The following DNAAF4 variants were observed in gnomAD, a reference collection of about 807,000 sequenced individuals.
DNAAF4 encodes dynein assembly factor 4, axonemal.
In DNAAF4, 43 loss-of-function variants were observed where a neutral mutation model predicts 51.8. The ratio of observed to expected loss-of-function variants is 0.83; its 90% CI spans 0.65 to 1.07. The LOEUF (loss-of-function observed/expected upper bound fraction) is 1.07, where lower values mean the gene tolerates loss of function less well. Ranked by LOEUF, DNAAF4 falls within the 50% of genes least tolerant of loss-of-function variation. DNAAF4 has a pLI of 0.00. For synonymous variants in DNAAF4, 194 were observed against 165.6 expected, an observed-to-expected ratio of 1.17 and a Z score of -1.32; for missense variants, 581 against 493.0, an observed-to-expected ratio of 1.18 and a Z score of -1.69.
intron 6 of DNAAF4, chr15:55,442,737 C>G: frequency 6.4e-7 from 1 of 1,565,272 alleles, no homozygotes; most frequent in Non-Finnish European, 8.8e-7. Context: ...CAAAAAATTT[C>G]TTTCCTTCAA....
intron 5 of DNAAF4, among the ~76,000 whole-genome samples, chr15:55,463,836 T>C (rs1255959835): frequency 2.4e-4 from 36 of 152,330 alleles, no homozygotes; most frequent in Non-Finnish European, 1.5e-4. Context: ...ATACATCCCA[T>C]GCTCACAGAT....
intron 1 of DNAAF4, among the ~76,000 whole-genome samples, chr15:55,500,768 G>C (rs1308173961): frequency 6.6e-6 from 1 of 151,918 alleles, no homozygotes; most frequent in Non-Finnish European, 1.5e-5. Flanking sequence ...CGAGGTGGGC[G>C]GATCACCTGA....
intron 5 of DNAAF4, among the ~76,000 whole-genome samples, chr15:55,453,029 G>C (rs1348910973): frequency 6.6e-6 from 1 of 152,090 alleles, no homozygotes; most frequent in Non-Finnish European, 1.5e-5. Context: ...GTTTCATCAT[G>C]TTGGCCAGGC....
chr15:55,419,613 A>G (rs994076878), intron 7 of DNAAF4, among the ~76,000 whole-genome samples: 2 of 152,150 alleles, frequency 1.3e-5, no homozygotes, highest in African/African-American at 4.8e-5. Context: ...TTATTGATAG[A>G]TTGAGCAAAT....
At chr15:55,490,413 T>C (rs998971738) in intron 4 of DNAAF4, among the ~76,000 whole-genome samples, 1 of 152,154 alleles carries the variant, frequency 6.6e-6, no homozygotes, top group African/African-American at 2.4e-5. Flanking sequence ...TTATATGGAA[T>C]GTGAATTGTT....
chr15:55,466,786 T>C, intron 5 of DNAAF4, 144 bp downstream of exon 5: 3 of 917,288 alleles, frequency 3.3e-6, no homozygotes, highest in Non-Finnish European at 4.7e-6. Context: ...GAAATGTCTT[T>C]ACTTTAGTCT....
chr15:55,497,476 T>G (rs1051050281), intron 3 of DNAAF4, among the ~76,000 whole-genome samples: 2 of 151,956 alleles, frequency 1.3e-5, no homozygotes, highest in Admixed American at 1.3e-4. Context: ...GGCGGACACC[T>G]ATAATCCCAG....
At chr15:55,505,340 C>G (rs2058721281) in intron 1 of DNAAF4, among the ~76,000 whole-genome samples, 1 of 152,098 alleles carries the variant, frequency 6.6e-6, no homozygotes, top group African/African-American at 2.4e-5. Context: ...TTAGTTCAAC[C>G]ATTATGGAAG....
At chr15:55,475,888 A>G (rs188701346) in intron 4 of DNAAF4, among the ~76,000 whole-genome samples, 4 of 152,144 alleles carry the variant, frequency 2.6e-5, no homozygotes, top group East Asian at 1.9e-4. Context: ...CCTGGTTAGG[A>G]TAAGTGCTTA....
intron 4 of DNAAF4, among the ~76,000 whole-genome samples, chr15:55,470,134 C>T (rs1184281767): frequency 2.0e-5 from 3 of 152,018 alleles, no homozygotes; most frequent in Non-Finnish European, 4.4e-5. Context: ...TCACTGCAAC[C>T]TCCGCCTCCC....
intron 6 of DNAAF4, among the ~76,000 whole-genome samples, chr15:55,446,113 C>A (rs1212787982): frequency 2.9e-5 from 4 of 136,580 alleles, no homozygotes; most frequent in Non-Finnish European, 6.2e-5. Flanking sequence ...CCAGACAGGG[C>A]AGCCAGGCAG....
intron 4 of DNAAF4, among the ~76,000 whole-genome samples, chr15:55,483,344 C>G (rs1422493553): frequency 6.6e-6 from 1 of 151,878 alleles, no homozygotes; most frequent in East Asian, 1.9e-4. Flanking sequence ...ATCCGCCCCC[C>G]TCAGCCTCCC....
In DNAAF4 at chr15:55,435,016, T is replaced by G. The variant is rs373982779; in HGVS notation, c.936A>C (p.Ala312=). The G allele has an allele frequency of 7.7e-5, 124 of 1,611,240 alleles. No homozygotes were observed. The highest frequency in any genetic ancestry group is 1.0e-4 in the Non-Finnish European group (121 of 1,179,402). Residue 312 remains alanine (A), a synonymous_variant, in exon 8 of 10, where the codon GCA becomes GCC. Coordinates refer to ENST00000321149, the MANE Select transcript of DNAAF4 (RefSeq NM_130810.4). The part of the protein sequence containing the change: ...ATENYLAAIN[A]YNLAIRLNNK... Reference sequence around the variant, plus strand: ...TATTTAGTCTTATGGCTAAATTATATGCATTGATAGCTGCCAAATAGTTTT... The same window carrying G: ...TATTTAGTCTTATGGCTAAATTATAGGCATTGATAGCTGCCAAATAGTTTT...
intron 3 of DNAAF4, among the ~76,000 whole-genome samples, chr15:55,492,175 T>A (rs372867633): frequency 6.0e-5 from 9 of 150,186 alleles, no homozygotes; most frequent in Non-Finnish European, 1.2e-4. Context: ...ATCTTTATAT[T>A]TGATGTGGCC....
chr15:55,421,757 C>T (rs1388425457), intron 7 of DNAAF4, among the ~76,000 whole-genome samples: 6 of 150,448 alleles, frequency 4.0e-5, no homozygotes, highest in African/African-American at 9.8e-5. Flanking sequence ...GGCATGGTGG[C>T]GCATGCCTGT....
intron 7 of DNAAF4, among the ~76,000 whole-genome samples, chr15:55,422,298 A>C (rs1309150394): frequency 2.6e-5 from 4 of 152,200 alleles, no homozygotes; most frequent in South Asian, 2.1e-4. Flanking sequence ...AAGGAGGTTA[A>C]GAGAACATCT....
At chr15:55,482,940 C>A (rs1257897909) in intron 4 of DNAAF4, among the ~76,000 whole-genome samples, 1 of 152,142 alleles carries the variant, frequency 6.6e-6, no homozygotes, top group African/African-American at 2.4e-5. Flanking sequence ...CCCATAAAGA[C>A]TGATGGGCAT....
In DNAAF4 at chr15:55,430,393, G is replaced by C; in HGVS notation, c.*277C>G. On this transcript the variant is annotated 3_prime_UTR_variant, in exon 10 of 10. Coordinates refer to ENST00000321149, the MANE Select transcript of DNAAF4 (RefSeq NM_130810.4). ...TGGTAACTATACCAAAACATATTTT[G>C]TTACAAGGGCAAGCTTAATTCAGTA... The C allele has an allele frequency of 2.0e-6, 2 of 1,000,324 alleles. No individual in the cohort carries two copies. Among genetic ancestry groups the C allele is most frequent in the Non-Finnish European group, 2.4e-6 (2 of 838,594 alleles). 62.0% of individuals were successfully genotyped at this position (1,000,324 alleles called of 1,614,324 possible).
At chr15:55,470,227 T>C (rs2058234251) in intron 4 of DNAAF4, among the ~76,000 whole-genome samples, 1 of 151,990 alleles carries the variant, frequency 6.6e-6, no homozygotes, top group Non-Finnish European at 1.5e-5. Flanking sequence ...AATTTTTGTA[T>C]TTTTAGTAGA....
Sources: gnomAD v4.1 joint callset for allele counts (sites outside exome capture counted in the v4.1 genomes callset) on GRCh38, gnomAD v4.1.1 for gene constraint, MANE v1.5 for transcripts, NCBI Gene and HGNC (gene_info 2026-07-23, HGNC 2026-07-21) for gene names.